MEI1: variants seen among roughly 807,000 people sequenced by gnomAD.
MEI1 encodes meiotic double-stranded break formation protein 1.
Under a neutral mutation model 146.2 loss-of-function variants are expected in MEI1, and 103 were observed. The observed-to-expected ratio is 0.70, with a 90% confidence interval of 0.60 to 0.83. The LOEUF is 0.83. Among genes scored for constraint, MEI1 ranks in the 40% least tolerant of loss-of-function variants. The probability of loss-of-function intolerance (pLI) is 0.00; values close to 1 mark genes in which losing one functional copy is unlikely to be tolerated. For missense variants in MEI1, 1,529 were observed against 1,533.0 expected (o/e 1.00, Z 0.04); for synonymous variants, 652 against 628.2 (o/e 1.04, Z -0.57).
chr22:41,746,893 G>T (rs1259640659), intron 14 of MEI1, among the ~76,000 whole-genome samples: 2 of 152,058 alleles, frequency 1.3e-5, no homozygotes, highest in Non-Finnish European at 2.9e-5. Flanking sequence ...TAAGACTTGG[G>T]CAACTCATCG....
intron 17 of MEI1, among the ~76,000 whole-genome samples, chr22:41,755,376 G>A (rs773769258): frequency 6.6e-6 from 1 of 152,156 alleles, no homozygotes; most frequent in African/African-American, 2.4e-5. Flanking sequence ...CTGAGAGGGA[G>A]CAAAGCCCAG....
chr22:41,752,575 TC>T lies in MEI1; in HGVS notation c.1793-13del. Reference sequence around the variant, plus strand: ...TGGTTTAAACTGCTCTCTGCTTTATTCCCACTTCTCTGAAGCTTCCTCATCC... The same window carrying T: ...TGGTTTAAACTGCTCTCTGCTTTATTCCACTTCTCTGAAGCTTCCTCATCC... On this transcript the variant is annotated splice_polypyrimidine_tract_variant and intron_variant, in intron 15 of 30. Coordinates refer to ENST00000401548, the MANE Select transcript of MEI1 (RefSeq NM_152513.4). The T allele has an allele frequency of 6.3e-7, 1 of 1,588,400 alleles. No homozygotes were observed. Among genetic ancestry groups the T allele is most frequent in the Non-Finnish European group, 8.6e-7 (1 of 1,166,950 alleles).
intron 17 of MEI1, among the ~76,000 whole-genome samples, chr22:41,754,664 C>G (rs1470587047): frequency 6.6e-6 from 1 of 152,092 alleles, no homozygotes; most frequent in African/African-American, 2.4e-5. Flanking sequence ...AAACTCCTGA[C>G]CTCAGGTAAT....
intron 9 of MEI1, 46 bp from the exon 10 acceptor site, chr22:41,732,199 C>A: frequency 6.8e-7 from 1 of 1,480,506 alleles, no homozygotes. Flanking sequence ...AGTGAAGGAA[C>A]AAGAGAGCAC....
At chr22:41,760,440 C>T (rs536719708) in intron 18 of MEI1, among the ~76,000 whole-genome samples, 4 of 152,170 alleles carry the variant, frequency 2.6e-5, no homozygotes, top group East Asian at 1.9e-4. Context: ...ACCCGGGAGG[C>T]GGAGGTTGCA....
chr22:41,743,156 G>A lies in MEI1; in HGVS notation c.1408G>A (p.Ala470Thr). 6.2e-7 allele frequency: 1 copy of A among 1,613,260 alleles called. No individual in the cohort carries two copies. Among genetic ancestry groups the A allele is most frequent in the Non-Finnish European group, 8.5e-7 (1 of 1,179,786 alleles). The stretch of plus-strand genomic sequence containing the variant: ...GCTAGAAGCCATGCTAAACCGATGT[G>A]CGGAGTTTTCCCAGACCTTGCTGAG... Reference protein sequence around the residue: ...ALLEAMLNRCAEFSQTLLSRR... With the variant: ...ALLEAMLNRCTEFSQTLLSRR... Residue 470 changes from alanine to threonine, a missense_variant, in exon 12 of 31, where the codon GCG becomes ACG. Ala to Thr is a moderately conservative substitution (Grantham distance 58). Transcript: ENST00000401548.
rs2075876562 is a variant in MEI1 at position 41,784,416 on chromosome 22, C to G, written c.3165C>G (p.Leu1055=). The change falls in exon 25 of 31, where the codon CTC becomes CTG. Residue 1055 remains leucine, a synonymous_variant. Transcript: ENST00000401548. ...TTCCAAAGAAAAAGGCTGCACTACT[C>G]TCAGGTATGGGTCCACAAGTCTCCA... is the stretch of plus-strand genomic sequence containing the variant. The part of the protein sequence containing the change: ...LSFPKKKAAL[L]SAAILCFLRT... The G allele has an allele frequency of 1.2e-6, 2 of 1,613,924 alleles. No homozygotes were observed. The highest frequency in any genetic ancestry group is 3.3e-5 in the Admixed American group (2 of 60,024).
chr22:41,731,538 G>C (rs1011114620), intron 9 of MEI1, among the ~76,000 whole-genome samples: 1 of 151,690 alleles, frequency 6.6e-6, no homozygotes, highest in South Asian at 2.1e-4. Context: ...TGTATTTTTA[G>C]TAGAGACGGG....
intron 20 of MEI1, among the ~76,000 whole-genome samples, chr22:41,771,915 G>A (rs934178285): frequency 2.6e-5 from 4 of 152,200 alleles, no homozygotes; most frequent in African/African-American, 9.6e-5. Flanking sequence ...ATGACCCATT[G>A]AATTATGGGT....
rs773031419 is a variant in MEI1, at chr22:41,795,392, G to T, written c.3535-19G>T. 2 of 1,612,536 alleles carry T rather than the reference G, an allele frequency of 1.2e-6. No individual in the cohort carries two copies. The highest frequency in any genetic ancestry group is 2.2e-5 in the East Asian group (1 of 44,790). ...ATGCCAAATCACTGGGTGTTTGGGGGTTTCTCTTCCTGGGCCAGTTTATGC... is the reference window on the plus strand; with the variant it reads ...ATGCCAAATCACTGGGTGTTTGGGGTTTTCTCTTCCTGGGCCAGTTTATGC... On this transcript the variant is annotated intron_variant, in intron 28 of 30. Coordinates refer to ENST00000401548, the MANE Select transcript of MEI1 (RefSeq NM_152513.4). The surrounding 1 kb of genome is among the most constrained non-coding windows in gnomAD (Gnocchi z 4.2).
intron 18 of MEI1, among the ~76,000 whole-genome samples, 195 bp downstream of exon 18, chr22:41,758,728 G>A (rs779644150): frequency 6.6e-6 from 1 of 152,220 alleles, no homozygotes; most frequent in Non-Finnish European, 1.5e-5. Flanking sequence ...ACTGTGCTGA[G>A]AGACAGAGGC....
chr22:41,735,176 A>C (rs1022577025), intron 11 of MEI1, among the ~76,000 whole-genome samples: 2 of 136,052 alleles, frequency 1.5e-5, no homozygotes, highest in African/African-American at 5.5e-5. Flanking sequence ...GTTAGCCAGG[A>C]TGGTCTCGAT....
At position 41,799,391 on chromosome 22, in the gene MEI1, A is replaced by C; in HGVS notation, c.*92A>C. ...GGGGAAATGGATGACAGCTGAAGCT[A>C]TTCATATGGAGCCATATACTCTATT... On this transcript the variant is annotated 3_prime_UTR_variant, in exon 31 of 31. Transcript: ENST00000401548. 1.6e-6 allele frequency: 2 copies of C among 1,223,678 alleles called. No individual in the cohort carries two copies. The highest frequency in any genetic ancestry group is 2.4e-6 in the Non-Finnish European group (2 of 833,846). 75.8% of individuals were successfully genotyped at this position (1,223,678 alleles called of 1,614,324 possible).
chr22:41,798,032 C>T (rs1040646624), intron 30 of MEI1, among the ~76,000 whole-genome samples: 10 of 151,626 alleles, frequency 6.6e-5, no homozygotes, highest in Admixed American at 1.3e-4. Flanking sequence ...GCTACATCAC[C>T]GAACTCAGAA....
chr22:41,705,380 C>A, intron 2 of MEI1, 124 bp from the exon 3 acceptor site: 1 of 821,666 alleles, frequency 1.2e-6, no homozygotes, highest in South Asian at 1.4e-5. Flanking sequence ...CCATATTGGT[C>A]AGGCTTTTCT....
At chr22:41,704,395 C>T (rs192130918) in intron 2 of MEI1, among the ~76,000 whole-genome samples, 5 of 151,326 alleles carry the variant, frequency 3.3e-5, no homozygotes, top group South Asian at 2.1e-4. Flanking sequence ...TTTGCTGTAC[C>T]GCATTGACAA....
At chr22:41,722,209 C>T (rs1006325304) in intron 6 of MEI1, 3 of 151,778 alleles carry the variant, frequency 2.0e-5, no homozygotes, top group Non-Finnish European at 4.4e-5. Context: ...ATCCTTTGGA[C>T]CCTTGAAGCA....
intron 5 of MEI1, 39 bp downstream of exon 5, chr22:41,716,185 CCTG>C: frequency 7.1e-7 from 1 of 1,407,640 alleles, no homozygotes; most frequent in Non-Finnish European, 9.9e-7. Context: ...TACCCTTTTA[CCTG>C]CTTTTATCAT....
At position 41,715,885 on chromosome 22, in the gene MEI1, G is replaced by A. The variant is rs556500184; in HGVS notation, c.424-156G>A. Among the ~76,000 whole-genome samples the A allele has an allele frequency of 2.0e-5, 3 of 152,294 alleles. No homozygotes were observed. In the East Asian group the frequency reaches 5.8e-4, roughly 29 times the overall value. Reference sequence around the variant, plus strand: ...CTTTCCTCTGGGAGTTCCCAGTCCAGTGGGGGAGCTGGACACTAAGCTAAA... The same window carrying A: ...CTTTCCTCTGGGAGTTCCCAGTCCAATGGGGGAGCTGGACACTAAGCTAAA... On this transcript the variant is annotated intron_variant, in intron 4 of 30. Coordinates refer to ENST00000401548, the MANE Select transcript of MEI1 (RefSeq NM_152513.4).
Sources: allele counts gnomAD v4.1 joint callset (sites outside exome capture counted in the v4.1 genomes callset), GRCh38; gene constraint gnomAD v4.1.1; non-coding constraint Gnocchi (gnomAD v3.1); transcripts MANE v1.5; gene names NCBI Gene and HGNC (gene_info 2026-07-23, HGNC 2026-07-21).